The following MALRD1 variants were observed in gnomAD, a reference collection of about 807,000 sequenced individuals.
MALRD1 encodes the protein MAM and LDL receptor class A domain containing 1.
MALRD1 carries 247 observed loss-of-function variants against 242.1 expected under a neutral mutation model. The ratio of observed to expected loss-of-function variants is 1.02; its 90% confidence interval spans 0.92 to 1.13. MALRD1 has a LOEUF of 1.13. Among genes scored for constraint, MALRD1 ranks in the 50% most tolerant of loss-of-function variants. MALRD1 has a pLI of 0.00. For synonymous variants in MALRD1, 995 were observed against 866.6 expected, an observed-to-expected ratio of 1.15 and a Z score of -2.60; for missense variants, 2,989 against 2,533.1, an observed-to-expected ratio of 1.18 and a Z score of -3.86.
At chr10:19,053,474 G>A (rs1405536933) in intron 1 of MALRD1, among the ~76,000 whole-genome samples, 4 of 152,260 alleles carry the variant, frequency 2.6e-5, no homozygotes, top group African/African-American at 4.8e-5. Context: ...GCAGATCCCC[G>A]AAATTGGCGG....
chr10:19,412,593 C>A (rs1000368685), intron 28 of MALRD1, among the ~76,000 whole-genome samples: 2 of 152,060 alleles, frequency 1.3e-5, no homozygotes, highest in Non-Finnish European at 2.9e-5. Flanking sequence ...AAATGTAGGA[C>A]CCTGGAATCT....
chr10:19,283,363 C>T (rs1399128942), intron 21 of MALRD1, among the ~76,000 whole-genome samples, 182 bp downstream of exon 21: 1 of 152,094 alleles, frequency 6.6e-6, no homozygotes, highest in Admixed American at 6.6e-5. Context: ...GCAATGAATG[C>T]TCTTGTGAAT....
At chr10:19,148,483 G>T (rs1299525473) in intron 11 of MALRD1, among the ~76,000 whole-genome samples, 2 of 152,006 alleles carry the variant, frequency 1.3e-5, no homozygotes, top group African/African-American at 4.8e-5. Flanking sequence ...ATAGATATTT[G>T]TTGTCCATTC....
intron 28 of MALRD1, among the ~76,000 whole-genome samples, chr10:19,410,758 G>A (rs913424785): frequency 6.7e-6 from 1 of 149,822 alleles, no homozygotes; most frequent in Non-Finnish European, 1.5e-5. Flanking sequence ...TTGCAAGGTA[G>A]TAGCAAATAC....
Position 19,165,267 on chromosome 10 carries a change from T to TATA in MALRD1, c.1657-370_1657-369insATA, listed in dbSNP as rs1564435240. On this transcript the variant is annotated intron_variant, in intron 12 of 39. Coordinates refer to ENST00000454679, the MANE Select transcript of MALRD1 (RefSeq NM_001142308.3). Reference sequence around the variant, plus strand: ...AATATATATATATATATATATATATTTTGTTTTGTTTTGTTTTTGTTTTGT... The same window carrying TATA: ...AATATATATATATATATATATATATTATATTGTTTTGTTTTGTTTTTGTTTTGT... Among the ~76,000 whole-genome samples, 18 of 53,758 alleles carry TATA rather than the reference T, an allele frequency of 3.3e-4. 3 individuals carry two copies. The South Asian group carries it at 4.3e-3, about 13-fold the overall frequency. 35.3% of individuals were successfully genotyped at this position (53,758 alleles called of 152,430 possible). A position where few individuals can be genotyped will look rare whatever the true frequency, so the allele number is the denominator to read the frequency against.
chr10:19,517,890 A>G (rs1833709348), intron 31 of MALRD1, among the ~76,000 whole-genome samples: 1 of 152,208 alleles, frequency 6.6e-6, no homozygotes, highest in South Asian at 2.1e-4. Context: ...TCCACATCCC[A>G]CTTCTGACAC....
intron 26 of MALRD1, among the ~76,000 whole-genome samples, chr10:19,368,202 A>G (rs544647288): frequency 2.4e-4 from 36 of 152,162 alleles, no homozygotes; most frequent in African/African-American, 8.2e-4. Context: ...GTTCCCAGCC[A>G]AAACTCCTGA....
chr10:19,463,677 C>T (rs180785856), intron 29 of MALRD1, among the ~76,000 whole-genome samples: 6 of 151,890 alleles, frequency 4.0e-5, no homozygotes, highest in Admixed American at 3.3e-4. Flanking sequence ...TATAAACATG[C>T]GTGTGCAAGT....
chr10:19,356,786 T>A (rs1844655439), intron 26 of MALRD1, among the ~76,000 whole-genome samples: 1 of 152,056 alleles, frequency 6.6e-6, no homozygotes, highest in Non-Finnish European at 1.5e-5. Flanking sequence ...TCCAATAATT[T>A]CAGCTATTTT....
chr10:19,455,916 T>C lies in MALRD1; in HGVS notation c.5029+5426T>C, dbSNP rs555941017. Among the ~76,000 whole-genome samples the C allele has an allele frequency of 7.9e-5, 12 of 152,256 alleles. No individual in the cohort carries two copies. The South Asian group carries it at 2.5e-3, about 32-fold the overall frequency. ...CCTCTTTCTTAATTCCTGGCATTTG[T>C]CTCCTTCCCCAGTGTGTTCCCCTCC... On this transcript the variant is annotated intron_variant, in intron 29 of 39. Transcript: ENST00000454679.
In MALRD1 at chr10:19,209,253, T is replaced by C; in HGVS notation, c.2579-15T>C. 2 of 1,490,894 alleles carry C rather than the reference T, an allele frequency of 1.3e-6. No homozygotes were observed. Among genetic ancestry groups the C allele is most frequent in the Non-Finnish European group, 1.8e-6 (2 of 1,123,770 alleles). The allele number at this position is 1,490,894 out of a possible 1,614,324, so 92.4% of individuals were successfully genotyped here. A position where few individuals can be genotyped will look rare whatever the true frequency, so the allele number is the denominator to read the frequency against. On this transcript the variant is annotated splice_polypyrimidine_tract_variant and intron_variant, in intron 17 of 39. Transcript: ENST00000454679. ...TCCCTAATTATCTTTTGCTTTTATTTCATGTGAATTTCAGCACCTGAGCTG... is the reference window on the plus strand; with the variant it reads ...TCCCTAATTATCTTTTGCTTTTATTCCATGTGAATTTCAGCACCTGAGCTG...
At chr10:19,405,039 C>CA (rs1554765824) in intron 28 of MALRD1, among the ~76,000 whole-genome samples, 1 of 152,046 alleles carries the variant, frequency 6.6e-6, no homozygotes, top group Non-Finnish European at 1.5e-5. Flanking sequence ...TTCATGACAA[C>CA]AAAAAAACCT....
In MALRD1 at chr10:19,255,329, T is replaced by C. The variant is rs372597660; in HGVS notation, c.2992-2355T>C. 5.9e-5 allele frequency among the ~76,000 whole-genome samples: 9 copies of C among 151,974 alleles called. No homozygotes were observed. The South Asian group carries it at 1.2e-3, about 21-fold the overall frequency. On this transcript the variant is annotated intron_variant, in intron 18 of 39. Transcript: ENST00000454679. Reference sequence around the variant, plus strand: ...CTGTCTTATATACAATGTATAATGCTTGTGTTTTGATAATCTTCTATTCGT... The same window carrying C: ...CTGTCTTATATACAATGTATAATGCCTGTGTTTTGATAATCTTCTATTCGT...
chr10:19,204,008 T>A (rs1032574827), intron 15 of MALRD1, 128 bp downstream of exon 15: 39 of 1,161,832 alleles, frequency 3.4e-5, no homozygotes, highest in Non-Finnish European at 4.7e-5. Flanking sequence ...ATATTGTCAA[T>A]TACAGTTATG....
intron 23 of MALRD1, among the ~76,000 whole-genome samples, chr10:19,328,043 A>G (rs1035497241): frequency 3.3e-5 from 5 of 152,130 alleles, no homozygotes; most frequent in Non-Finnish European, 7.4e-5. Flanking sequence ...TCTTTGGAAA[A>G]CATATTATAT....
intron 34 of MALRD1, among the ~76,000 whole-genome samples, chr10:19,602,882 G>A (rs577927474): frequency 9.2e-5 from 14 of 152,044 alleles, no homozygotes; most frequent in South Asian, 8.3e-4. Context: ...TTTAATGATC[G>A]CCATTCTAAC....
At chr10:19,294,558 G>A (rs1013940867) in intron 21 of MALRD1, among the ~76,000 whole-genome samples, 20 of 152,154 alleles carry the variant, frequency 1.3e-4, no homozygotes, top group African/African-American at 4.8e-5. Context: ...ACAGAAAACT[G>A]TAAGTAGATG....
intron 2 of MALRD1, among the ~76,000 whole-genome samples, chr10:19,073,811 G>C (rs374515398): frequency 4.7e-4 from 71 of 152,116 alleles, no homozygotes; most frequent in African/African-American, 1.6e-3. Context: ...ACACATGTTT[G>C]GGAATAAAAC....
At chr10:19,147,154 G>A (rs1833753378) in intron 11 of MALRD1, among the ~76,000 whole-genome samples, 1 of 152,218 alleles carries the variant, frequency 6.6e-6, no homozygotes, top group East Asian at 1.9e-4. Context: ...CACCACACCT[G>A]GCAAACCTTA....
Sources: allele counts gnomAD v4.1 joint callset (sites outside exome capture counted in the v4.1 genomes callset), GRCh38; gene constraint gnomAD v4.1.1; transcripts MANE v1.5; gene names NCBI Gene and HGNC (gene_info 2026-07-23, HGNC 2026-07-21).